UGT1A3: variants seen among roughly 807,000 people sequenced by gnomAD.
UGT1A3 encodes UDP-glucuronosyltransferase 1A3.
A neutral mutation model predicts 41.0 loss-of-function variants in UGT1A3; 31 were observed. The ratio of observed to expected loss-of-function variants is 0.76; its 90% CI spans 0.57 to 1.02. UGT1A3 has a LOEUF of 1.02. Among genes scored for constraint, UGT1A3 ranks in the 50% least tolerant of loss-of-function variants. UGT1A3 has a pLI of 0.00. For synonymous variants in UGT1A3, 262 were observed against 257.6 expected (o/e 1.02, Z -0.17); for missense variants, 737 against 671.0 (o/e 1.10, Z -1.09).
chr2:233,747,263 T>C (rs1693601928), intron 1 of UGT1A3: 3 of 1,599,140 alleles, frequency 1.9e-6, no homozygotes, highest in East Asian at 2.2e-5. Context: ...ACAGGAGTGC[T>C]ACTCCTTCTC....
At chr2:233,770,232 T>C (rs980234122) in intron 4 of UGT1A3, 2 of 152,214 alleles carry the variant, frequency 1.3e-5, no homozygotes, top group Non-Finnish European at 2.9e-5. Flanking sequence ...ATTGTGAATC[T>C]CCATGATTCC....
intron 1 of UGT1A3, chr2:233,755,366 T>A (rs938544322): frequency 6.9e-5 from 25 of 362,910 alleles, no homozygotes; most frequent in African/African-American, 5.3e-4. Flanking sequence ...CTGGGCCGCC[T>A]GGAGGGCCGC....
chr2:233,768,192 CT>C, intron 3 of UGT1A3, 27 bp from the exon 4 acceptor site: 1 of 1,614,080 alleles, frequency 6.2e-7, no homozygotes, highest in Non-Finnish European at 8.5e-7. Context: ...GATGTAACTG[CT>C]GACATCCTCC....
chr2:233,746,482 T>A (rs1022385287), intron 1 of UGT1A3, among the ~76,000 whole-genome samples: 2 of 151,822 alleles, frequency 1.3e-5, no homozygotes, highest in Non-Finnish European at 2.9e-5. Context: ...ACACTTTCCA[T>A]GGACATGTCA....
At chr2:233,757,538 A>G (rs1235606271) in intron 1 of UGT1A3, among the ~76,000 whole-genome samples, 2 of 109,774 alleles carry the variant, frequency 1.8e-5, no homozygotes, top group East Asian at 2.1e-4. Context: ...TGTAAGGAAT[A>G]TATATATATA....
intron 1 of UGT1A3, among the ~76,000 whole-genome samples, chr2:233,764,774 A>C (rs1698642300): frequency 6.6e-6 from 1 of 152,202 alleles, no homozygotes; most frequent in African/African-American, 2.4e-5. Context: ...GAAGGAGTTC[A>C]GAAAAACCAT....
chr2:233,749,920 A>G (rs1428594546), intron 1 of UGT1A3, among the ~76,000 whole-genome samples: 1 of 151,914 alleles, frequency 6.6e-6, no homozygotes, highest in Non-Finnish European at 1.5e-5. Flanking sequence ...CTGTGAGTCA[A>G]TTAAAGCTCT....
intron 1 of UGT1A3, chr2:233,755,353 G>T: frequency 2.6e-6 from 1 of 385,860 alleles, no homozygotes; most frequent in Non-Finnish European, 4.8e-6. Context: ...GAGGCTTGGC[G>T]ACCTGGGCCG....
intron 1 of UGT1A3, chr2:233,754,915 G>A (rs747609109): frequency 3.0e-6 from 4 of 1,353,928 alleles, no homozygotes; most frequent in Admixed American, 1.9e-5. Context: ...ATATTCTCCA[G>A]CGGGTTTCCC....
chr2:233,762,242 T>C (rs1400660032), intron 1 of UGT1A3, among the ~76,000 whole-genome samples: 1 of 152,116 alleles, frequency 6.6e-6, no homozygotes, highest in Non-Finnish European at 1.5e-5. Flanking sequence ...AGGCACAGAA[T>C]AGGCACCCAC....
chr2:233,761,011 G>T, intron 1 of UGT1A3: 1 of 1,614,156 alleles, frequency 6.2e-7, no homozygotes, highest in Non-Finnish European at 8.5e-7. Context: ...TCAGAGAGAG[G>T]TGACTGTCCA....
intron 4 of UGT1A3, 25 bp downstream of exon 4, chr2:233,768,464 A>G (rs902987402): frequency 1.9e-6 from 3 of 1,606,818 alleles, no homozygotes; most frequent in Non-Finnish European, 2.6e-6. Flanking sequence ...ACAGAAGAAT[A>G]CTTTGGTCAT....
rs187295904 is a variant in UGT1A3 at position 233,750,155 on chromosome 2, A to G, written c.868-16879A>G. 9.7e-4 allele frequency among the ~76,000 whole-genome samples: 148 copies of G among 152,026 alleles called. 1 individual carries two copies. Among genetic ancestry groups the G allele is most frequent in the Non-Finnish European group, 1.5e-3 (103 of 68,038 alleles). ...TTGGAACTTCCTAGAGACTTGTTGA[A>G]TGGTTTTGACCAAAATGCTGATAAT... On this transcript the variant is annotated intron_variant, in intron 1 of 4. Coordinates refer to ENST00000482026, the MANE Select transcript of UGT1A3 (RefSeq NM_019093.4).
chr2:233,747,299 G>A, intron 1 of UGT1A3: 1 of 1,602,106 alleles, frequency 6.2e-7, no homozygotes, highest in Non-Finnish European at 8.5e-7. Flanking sequence ...GCTGAGAGTG[G>A]GAAGGTGCTG....
chr2:233,768,543 A>T, intron 4 of UGT1A3, 104 bp downstream of exon 4: 1 of 1,485,090 alleles, frequency 6.7e-7, no homozygotes, highest in Non-Finnish European at 8.9e-7. Context: ...TGTTTCAAAT[A>T]TAAAAACAAA....
At chr2:233,735,698 A>C (rs1273245395) in intron 1 of UGT1A3, among the ~76,000 whole-genome samples, 2 of 152,000 alleles carry the variant, frequency 1.3e-5, no homozygotes, top group Admixed American at 6.5e-5. Flanking sequence ...CTTGTAAGGC[A>C]GGCCTGGTGG....
In UGT1A3 at chr2:233,729,179, T is replaced by C. The variant is rs200023814; in HGVS notation, c.53T>C (p.Leu18Pro). The C allele has an allele frequency of 6.9e-5, 112 of 1,613,806 alleles. No individual in the cohort carries two copies. The highest frequency in any genetic ancestry group is 9.3e-6 in the Non-Finnish European group (11 of 1,179,914). The part of the protein sequence containing the change: ...PLPWLATGLL[L>P]LLSVQPWAES... ...CCGTGGCTGGCCACAGGACTGCTGC[T>C]TCTCCTCAGTGTCCAGCCCTGGGCT... Residue 18 changes from leucine (L) to proline (P), a missense_variant, in exon 1 of 5, where the codon CTT becomes CCT. Coordinates refer to ENST00000482026, the MANE Select transcript of UGT1A3 (RefSeq NM_019093.4).
chr2:233,732,909 C>T (rs2078335014), intron 1 of UGT1A3, among the ~76,000 whole-genome samples: 1 of 152,070 alleles, frequency 6.6e-6, no homozygotes, highest in African/African-American at 2.4e-5. Context: ...GCAGTATGGC[C>T]ATTTTCACGA....
At position 233,767,932 on chromosome 2, in the gene UGT1A3, G is replaced by C. The variant is rs754018098; in HGVS notation, c.1083G>C (p.Leu361=). The change falls in exon 3 of 5, where the codon CTG becomes CTC. Residue 361 remains leucine (L), a synonymous_variant. Coordinates refer to ENST00000482026, the MANE Select transcript of UGT1A3 (RefSeq NM_019093.4). ...TTAAGTGGCTACCCCAAAACGATCT[G>C]CTTGGTATGTTGGGCGGATTGGATG... ...ILVKWLPQND[L]LGHPMTRAFI... 3 of 1,614,064 alleles carry C rather than the reference G, an allele frequency of 1.9e-6. No individual in the cohort carries two copies. Among genetic ancestry groups the C allele is most frequent in the African/African-American group, 2.7e-5 (2 of 74,926 alleles).
Sources: gnomAD v4.1 joint callset for allele counts (sites outside exome capture counted in the v4.1 genomes callset) on GRCh38, gnomAD v4.1.1 for gene constraint, MANE v1.5 for transcripts, NCBI Gene and HGNC (gene_info 2026-07-23, HGNC 2026-07-21) for gene names.